The following LOXL2 variants were observed in gnomAD, a reference collection of about 807,000 sequenced individuals.
The protein encoded by LOXL2 is lysyl oxidase homolog 2.
Under a neutral mutation model 93.0 loss-of-function variants are expected in LOXL2, and 70 were observed. The ratio of observed to expected loss-of-function variants is 0.75; its 90% CI spans 0.62 to 0.92. LOXL2 has a LOEUF of 0.92. Among genes scored for constraint, LOXL2 ranks in the 40% least tolerant of loss-of-function variants. The pLI is 0.00. For missense variants in LOXL2, 973 were observed against 1,054.9 expected (o/e 0.92, Z 1.08); for synonymous variants, 438 against 413.2 (o/e 1.06, Z -0.73).
intron 1 of LOXL2, among the ~76,000 whole-genome samples, chr8:23,390,739 A>T (rs1006011311): frequency 6.6e-6 from 1 of 152,242 alleles, no homozygotes; most frequent in South Asian, 2.1e-4. Context: ...TCTGCAGCTC[A>T]TAAAGGGGCA....
At chr8:23,350,477 GGA>G (rs1804074304) in intron 3 of LOXL2, among the ~76,000 whole-genome samples, 1 of 152,136 alleles carries the variant, frequency 6.6e-6, no homozygotes. Context: ...GGCTGAGGCA[GGA>G]GAATCACTTG....
intron 1 of LOXL2, 92 bp from the exon 2 acceptor site, chr8:23,368,526 T>G (rs182247934): frequency 6.5e-6 from 4 of 617,230 alleles, no homozygotes; most frequent in Non-Finnish European, 1.1e-5. Flanking sequence ...TGGCTTAATA[T>G]GGAAAGCTCG....
chr8:23,373,811 C>G (rs375024449), intron 1 of LOXL2, among the ~76,000 whole-genome samples: 1 of 152,144 alleles, frequency 6.6e-6, no homozygotes, highest in South Asian at 2.1e-4. Flanking sequence ...TGTCCCCCAC[C>G]GCGAAGCTCT....
At chr8:23,319,745 C>G in intron 8 of LOXL2, 140 bp downstream of exon 8, 1 of 911,528 alleles carries the variant, frequency 1.1e-6, no homozygotes, top group Admixed American at 2.5e-5. Context: ...AGCGAGGCTC[C>G]CTGCCTCTGG....
In LOXL2 at chr8:23,385,931, A is replaced by G. The variant is rs187264645; in HGVS notation, c.-83-17497T>C. 662 of 765,186 alleles carry G rather than the reference A, an allele frequency of 8.7e-4. 1 individual carries two copies. Among genetic ancestry groups the G allele is most frequent in the Admixed American group, 2.5e-3 (145 of 59,030 alleles). 47.4% of individuals were successfully genotyped at this position (765,186 alleles called of 1,614,324 possible). A position where few individuals can be genotyped will look rare whatever the true frequency, so the allele number is the denominator to read the frequency against. On this transcript the variant is annotated intron_variant, in intron 1 of 13. Coordinates refer to ENST00000389131, the MANE Select transcript of LOXL2 (RefSeq NM_002318.3). Reference sequence around the variant, plus strand: ...TACTTTGCGTTTGCAGCGCATCTCAATTCCAAGCAGCACATTGCAAGTGTT... The same window carrying G: ...TACTTTGCGTTTGCAGCGCATCTCAGTTCCAAGCAGCACATTGCAAGTGTT...
At chr8:23,305,415 C>T (rs922601129) in intron 10 of LOXL2, among the ~76,000 whole-genome samples, 7 of 152,202 alleles carry the variant, frequency 4.6e-5, no homozygotes, top group African/African-American at 1.7e-4. Flanking sequence ...CTGTCCTGGG[C>T]ATCTCGCTTT....
intron 1 of LOXL2, among the ~76,000 whole-genome samples, chr8:23,394,351 C>T (rs1419584327): frequency 6.7e-6 from 1 of 149,800 alleles, no homozygotes; most frequent in African/African-American, 2.5e-5. Flanking sequence ...CGAGATCGTG[C>T]CACTGCACTA....
intron 3 of LOXL2, among the ~76,000 whole-genome samples, chr8:23,348,012 T>TA (rs1804022052): frequency 2.0e-5 from 3 of 151,874 alleles, no homozygotes; most frequent in African/African-American, 7.2e-5. Context: ...CCCTAGAACT[T>TA]AAAGTATAAT....
intron 9 of LOXL2, 196 bp downstream of exon 9, chr8:23,316,753 C>T: frequency 1.8e-6 from 1 of 571,254 alleles, no homozygotes; most frequent in East Asian, 3.1e-5. Context: ...GCTTTTCTCC[C>T]CACTACATCA....
intron 10 of LOXL2, among the ~76,000 whole-genome samples, chr8:23,307,167 G>A (rs1803241666): frequency 6.6e-6 from 1 of 152,150 alleles, no homozygotes. Flanking sequence ...AGAAATATTT[G>A]TTTTGAGGAG....
intron 8 of LOXL2, among the ~76,000 whole-genome samples, chr8:23,318,049 T>G (rs554307126): frequency 2.8e-5 from 4 of 144,848 alleles, no homozygotes; most frequent in Non-Finnish European, 6.2e-5. Flanking sequence ...CAAACACTAT[T>G]CTAGATGCTT....
At chr8:23,383,244 T>A (rs539393056) in intron 1 of LOXL2, among the ~76,000 whole-genome samples, 2 of 152,268 alleles carry the variant, frequency 1.3e-5, no homozygotes, top group South Asian at 4.1e-4. Context: ...GAACACGCTG[T>A]CTGAATCCTG....
intron 1 of LOXL2, among the ~76,000 whole-genome samples, chr8:23,402,364 T>A (rs1464675241): frequency 1.3e-5 from 2 of 152,160 alleles, no homozygotes; most frequent in Non-Finnish European, 2.9e-5. Context: ...TCAATTTCCT[T>A]GGGGAGAGCC....
At chr8:23,365,305 TC>T (rs1244672490) in intron 2 of LOXL2, 1 of 152,282 alleles carries the variant, frequency 6.6e-6, no homozygotes, top group Non-Finnish European at 1.5e-5. Context: ...TACCCAGAAC[TC>T]TTTTGCCAAC....
intron 1 of LOXL2, among the ~76,000 whole-genome samples, chr8:23,383,605 C>A (rs966113740): frequency 1.4e-5 from 2 of 146,814 alleles, no homozygotes; most frequent in Admixed American, 1.4e-4. Flanking sequence ...ACATTTAAGG[C>A]TTAAGGAATA....
At chr8:23,395,989 C>T (rs769339355) in intron 1 of LOXL2, among the ~76,000 whole-genome samples, 2 of 152,066 alleles carry the variant, frequency 1.3e-5, no homozygotes, top group East Asian at 3.9e-4. Flanking sequence ...TCTAAATACA[C>T]ACATAAACTC....
intron 2 of LOXL2, among the ~76,000 whole-genome samples, chr8:23,361,868 C>A (rs58690616): frequency 0.2 from 30,457 of 149,702 alleles, 4,193 homozygotes; most frequent in African/African-American, 0.4. Flanking sequence ...ACAAAACAAA[C>A]AAAAAAAACA....
Position 23,349,328 on chromosome 8 carries a change from G to A in LOXL2, c.532-8125C>T, listed in dbSNP as rs187904334. 1.7e-4 allele frequency among the ~76,000 whole-genome samples: 26 copies of A among 152,250 alleles called. 1 individual carries two copies. The East Asian group carries it at 4.8e-3, about 28-fold the overall frequency. ...CAGATCTTCCTGGTGGTGCCTCCGC[G>A]TTAGGCCCATACCCTGCCATTCTCT... On this transcript the variant is annotated intron_variant, in intron 3 of 13. Transcript: ENST00000389131.
In LOXL2 at chr8:23,298,257, G is replaced by A. The variant is rs1803071782; in HGVS notation, c.2246-135C>T. ...GCCCTCCTCAAAAGGACAGGTGCCA[G>A]GCACTGGCCATCTCTAGGGCTGGGC... is the stretch of plus-strand genomic sequence containing the variant. On this transcript the variant is annotated intron_variant, in intron 13 of 13. Coordinates refer to ENST00000389131, the MANE Select transcript of LOXL2 (RefSeq NM_002318.3). 7.7e-6 allele frequency: 5 copies of A among 647,652 alleles called. No homozygotes were observed. The Admixed American group carries it at 1.0e-4, about 13-fold the overall frequency. 40.1% of individuals were successfully genotyped at this position (647,652 alleles called of 1,614,324 possible).
Sources: allele counts gnomAD v4.1 joint callset (sites outside exome capture counted in the v4.1 genomes callset), GRCh38; gene constraint gnomAD v4.1.1; transcripts MANE v1.5; gene names NCBI Gene and HGNC (gene_info 2026-07-23, HGNC 2026-07-21).